YAP1: variants seen among roughly 807,000 people sequenced by gnomAD.
YAP1 encodes transcriptional coactivator YAP1.
A neutral mutation model predicts 56.9 loss-of-function variants in YAP1; 5 were observed. The ratio of observed to expected loss-of-function variants is 0.09; its 90% CI spans 0.05 to 0.18. The LOEUF is 0.18. YAP1 is among the 10% of genes least tolerant of loss of function. The pLI is 1.00. For missense variants in YAP1, 539 were observed against 651.8 expected, an observed-to-expected ratio of 0.83 and a Z score of 1.88; for synonymous variants, 265 against 248.1, an observed-to-expected ratio of 1.07 and a Z score of -0.64.
At chr11:102,137,056 G>C (rs775205369) in intron 2 of YAP1, among the ~76,000 whole-genome samples, 1 of 152,168 alleles carries the variant, frequency 6.6e-6, no homozygotes, top group Non-Finnish European at 1.5e-5. Flanking sequence ...TGGAGAATTG[G>C]TATCTTTACA....
chr11:102,123,782 G>A (rs891922499), intron 2 of YAP1, among the ~76,000 whole-genome samples: 1 of 151,332 alleles, frequency 6.6e-6, no homozygotes, highest in Non-Finnish European at 1.5e-5. Flanking sequence ...TGGGACTACA[G>A]GCACCCACCA....
intron 3 of YAP1, among the ~76,000 whole-genome samples, chr11:102,175,283 C>A (rs1190364017): frequency 1.3e-5 from 2 of 152,010 alleles, no homozygotes; most frequent in Admixed American, 6.6e-5. Context: ...CCCTGTAATC[C>A]CAGCTACTCG....
At chr11:102,124,020 C>T (rs778977497) in intron 2 of YAP1, among the ~76,000 whole-genome samples, 9 of 150,118 alleles carry the variant, frequency 6.0e-5, no homozygotes, top group Non-Finnish European at 1.2e-4. Flanking sequence ...GGTGTGATCT[C>T]GGCTCATCGC....
At chr11:102,130,776 A>G (rs1275042751) in intron 2 of YAP1, among the ~76,000 whole-genome samples, 1 of 143,468 alleles carries the variant, frequency 7.0e-6, no homozygotes, top group East Asian at 2.0e-4. Context: ...AGAGTTGTCC[A>G]AATACAGATG....
At chr11:102,184,853 C>T (rs1344689532) in intron 3 of YAP1, among the ~76,000 whole-genome samples, 4 of 152,160 alleles carry the variant, frequency 2.6e-5, no homozygotes, top group Non-Finnish European at 5.9e-5. Context: ...AATCACGCTG[C>T]CTGGCTTTGA....
chr11:102,137,617 C>G (rs1265037120), intron 2 of YAP1, among the ~76,000 whole-genome samples: 1 of 152,174 alleles, frequency 6.6e-6, no homozygotes, highest in Non-Finnish European at 1.5e-5. Context: ...TCTCCCTGCT[C>G]CATGTGAAAT....
chr11:102,129,824 G>A (rs1470659770), intron 2 of YAP1, among the ~76,000 whole-genome samples: 1 of 146,724 alleles, frequency 6.8e-6, no homozygotes, highest in African/African-American at 2.5e-5. Flanking sequence ...TTTCGAAATG[G>A]GGTCTTGCTC....
At chr11:102,112,017 G>A (rs1942959284) in intron 1 of YAP1, among the ~76,000 whole-genome samples, 1 of 152,154 alleles carries the variant, frequency 6.6e-6, no homozygotes, top group South Asian at 2.1e-4. Flanking sequence ...TCGCGTGTTG[G>A]TTTCCCAGTT....
chr11:102,228,872 T>A (rs973000234), intron 8 of YAP1, among the ~76,000 whole-genome samples: 5 of 152,144 alleles, frequency 3.3e-5, no homozygotes, highest in African/African-American at 1.2e-4. Context: ...AAGGCTTTTG[T>A]GCCTGTATTC....
At chr11:102,181,210 T>C (rs1236073346) in intron 3 of YAP1, among the ~76,000 whole-genome samples, 33 of 151,068 alleles carry the variant, frequency 2.2e-4, no homozygotes, top group African/African-American at 7.8e-4. Flanking sequence ...CTTTGGGAGG[T>C]TGAGGTGGGC....
intron 2 of YAP1, among the ~76,000 whole-genome samples, chr11:102,130,354 A>G (rs1390695294): frequency 6.6e-6 from 1 of 152,166 alleles, no homozygotes; most frequent in Non-Finnish European, 1.5e-5. Flanking sequence ...AATTCTTACC[A>G]GTGTTAAGGT....
chr11:102,161,468 A>G (rs1050285662), intron 2 of YAP1, among the ~76,000 whole-genome samples: 1 of 151,984 alleles, frequency 6.6e-6, no homozygotes, highest in Non-Finnish European at 1.5e-5. Context: ...TTCATATTAT[A>G]TGTTCTTCTA....
At chr11:102,174,503 G>T (rs1298841330) in intron 3 of YAP1, among the ~76,000 whole-genome samples, 1 of 151,912 alleles carries the variant, frequency 6.6e-6, no homozygotes, top group Admixed American at 6.6e-5. Flanking sequence ...AACCCAGGAG[G>T]CAGAAGTTGC....
chr11:102,130,602 C>G (rs1206737064), intron 2 of YAP1, among the ~76,000 whole-genome samples: 1 of 151,734 alleles, frequency 6.6e-6, no homozygotes, highest in Non-Finnish European at 1.5e-5. Flanking sequence ...GGAGTCTTGC[C>G]GTGTTGCCCA....
chr11:102,202,962 A>G (rs1322632376), intron 4 of YAP1, among the ~76,000 whole-genome samples: 2 of 152,176 alleles, frequency 1.3e-5, no homozygotes, highest in Non-Finnish European at 2.9e-5. Context: ...GCATAGTACT[A>G]TGGGGATGCA....
At chr11:102,120,603 TGGG>T (rs1242540163) in intron 2 of YAP1, among the ~76,000 whole-genome samples, 1 of 152,196 alleles carries the variant, frequency 6.6e-6, no homozygotes, top group African/African-American at 2.4e-5. Context: ...GATTCTCAGT[TGGG>T]GGTGGGTGAG....
Position 102,152,973 on chromosome 11 carries a change from A to G in YAP1, c.573-9483A>G, listed in dbSNP as rs960668979. ...GAGCTGTCCTCAAAGACTTGACAGG[A>G]GAGGAGTGGGGATGGGAAAGGAATT... On this transcript the variant is annotated intron_variant, in intron 2 of 8. Coordinates refer to ENST00000282441, the MANE Select transcript of YAP1 (RefSeq NM_001130145.3). 2.6e-5 allele frequency among the ~76,000 whole-genome samples: 4 copies of G among 152,334 alleles called. No homozygotes were observed. In the East Asian group the frequency reaches 7.7e-4, roughly 29 times the overall value.
Position 102,232,298 on chromosome 11 carries a change from T to G in YAP1, c.*2358T>G, listed in dbSNP as rs1950459862. On this transcript the variant is annotated 3_prime_UTR_variant, in exon 9 of 9. Coordinates refer to ENST00000282441, the MANE Select transcript of YAP1 (RefSeq NM_001130145.3). ...AAGTTTGGGGGGGGGGTTGTGAAGA[T>G]TTAGGGGGACCTTGATAGAGAACTT... 1 of 150,770 alleles carries G rather than the reference T, an allele frequency of 6.6e-6. No homozygotes were observed. The highest frequency in any genetic ancestry group is 2.1e-4 in the South Asian group (1 of 4,674). 9.3% of individuals were successfully genotyped at this position (150,770 alleles called of 1,614,324 possible).
intron 3 of YAP1, among the ~76,000 whole-genome samples, chr11:102,170,333 T>C (rs1196629099): frequency 6.6e-6 from 1 of 151,992 alleles, no homozygotes; most frequent in Non-Finnish European, 1.5e-5. Flanking sequence ...CAGATCAGTA[T>C]TTTTTTTAAT....
Sources: gnomAD v4.1 joint callset for allele counts (sites outside exome capture counted in the v4.1 genomes callset) on GRCh38, gnomAD v4.1.1 for gene constraint, MANE v1.5 for transcripts, NCBI Gene and HGNC (gene_info 2026-07-23, HGNC 2026-07-21) for gene names.